Variants in PLPP2 observed in about 807,000 individuals in gnomAD.
PLPP2 encodes phospholipid phosphatase 2, also known as PAP2-gamma.
In PLPP2, 29 loss-of-function variants were observed where a neutral mutation model predicts 35.2. The observed-to-expected ratio is 0.82, with a 90% CI of 0.61 to 1.12. The LOEUF (loss-of-function observed/expected upper bound fraction) is 1.12, where lower values mean the gene tolerates loss of function less well. PLPP2 is among the 50% of genes most tolerant of loss of function. The probability of loss-of-function intolerance (pLI) is 0.00; values close to 1 mark genes in which losing one functional copy is unlikely to be tolerated. For synonymous variants in PLPP2, 162 were observed against 167.0 expected, an observed-to-expected ratio of 0.97 and a Z score of 0.23; for missense variants, 353 against 375.2, an observed-to-expected ratio of 0.94 and a Z score of 0.49.
intron 3 of PLPP2, chr19:285,522 C>G: frequency 6.6e-6 from 1 of 150,584 alleles, no homozygotes; most frequent in East Asian, 1.9e-4. Flanking sequence ...TTGCTTAAAC[C>G]GAGGAGGCAG....
chr19:290,523 CGT>C (rs1199410947), intron 1 of PLPP2, among the ~76,000 whole-genome samples: 1 of 151,700 alleles, frequency 6.6e-6, no homozygotes, highest in East Asian at 1.9e-4. Context: ...GCAGGAAACA[CGT>C]TGGGGAGGAG....
In PLPP2 at chr19:281,434, C is replaced by T; in HGVS notation, c.821G>A (p.Gly274Asp). The T allele has an allele frequency of 6.5e-7, 1 of 1,539,524 alleles. No homozygotes were observed. The highest frequency in any genetic ancestry group is 8.8e-7 in the Non-Finnish European group (1 of 1,141,610). ...KPSLSLTLTL[G>D]EADHNHYGYP... ...TCCATAGTGGTTGTGGTCAGCCTCGCCCAGGGTCAACGTCAGTGACAGGCT... is the reference window on the plus strand; with the variant it reads ...TCCATAGTGGTTGTGGTCAGCCTCGTCCAGGGTCAACGTCAGTGACAGGCT... The change falls in exon 6 of 6, where the codon GGC (glycine) becomes GAC (aspartate). Residue 274 changes from glycine to aspartate, a missense_variant. Physicochemically the swap from Gly to Asp is moderately conservative, Grantham distance 94. Transcript: ENST00000434325.
rs767246437 is a variant in PLPP2, at chr19:291,352, C to G, written c.-16G>C. On this transcript the variant is annotated 5_prime_UTR_variant, in exon 1 of 6. Transcript: ENST00000434325. Reference sequence around the variant, plus strand: ...TCCGCTGCATGGTCCCCGCGACCCCCGACGCCGGTCCCAGCGCGTCCCGTC... The same window carrying G: ...TCCGCTGCATGGTCCCCGCGACCCCGGACGCCGGTCCCAGCGCGTCCCGTC... The G allele has an allele frequency of 7.6e-6, 12 of 1,587,650 alleles. No homozygotes were observed. Among genetic ancestry groups the G allele is most frequent in the African/African-American group, 7.1e-5 (5 of 70,000 alleles).
chr19:281,851 G>T, intron 5 of PLPP2: 1 of 471,492 alleles, frequency 2.1e-6, no homozygotes, highest in South Asian at 2.7e-5. Context: ...GTCCAGGGAA[G>T]GACTGGGATT....
chr19:286,211 C>G (rs560344356), intron 3 of PLPP2: 2 of 151,724 alleles, frequency 1.3e-5, no homozygotes, highest in African/African-American at 4.8e-5. Context: ...GTGGCTCACA[C>G]CTCTAATCCC....
chr19:287,815 C>T lies in PLPP2; in HGVS notation c.205-64G>A. 1 of 1,586,240 alleles carries T rather than the reference C, an allele frequency of 6.3e-7. No individual in the cohort carries two copies. The highest frequency in any genetic ancestry group is 8.6e-7 in the Non-Finnish European group (1 of 1,164,714). On this transcript the variant is annotated intron_variant, in intron 2 of 5. Coordinates refer to ENST00000434325, the MANE Select transcript of PLPP2 (RefSeq NM_003712.4). The surrounding 1 kb of genome is among the most constrained non-coding windows in gnomAD (Gnocchi z 4.3). ...CGGCCCAGGGGCCCTCACTCCTCCG[C>T]ACGGGCCTCCCCAAGGCTGCTGGAG... is the stretch of plus-strand genomic sequence containing the variant.
intron 1 of PLPP2, chr19:290,902 T>TGCCG: frequency 8.3e-7 from 1 of 1,210,768 alleles, no homozygotes. Context: ...GCGGACGTCC[T>TGCCG]GCCGGGGTAA....
In PLPP2 at chr19:287,859, G is replaced by A; in HGVS notation, c.205-108C>T. ...GCTGGAGAGCTGGGGACTCTGAAGG[G>A]GGCCCTATTACCCACAGGTACCACT... On this transcript the variant is annotated intron_variant, in intron 2 of 5. Coordinates refer to ENST00000434325, the MANE Select transcript of PLPP2 (RefSeq NM_003712.4). The surrounding 1 kb of genome is among the most constrained non-coding windows in gnomAD (Gnocchi z 4.3). 4 of 1,521,988 alleles carry A rather than the reference G, an allele frequency of 2.6e-6. No homozygotes were observed. Among genetic ancestry groups the A allele is most frequent in the Non-Finnish European group, 3.5e-6 (4 of 1,127,934 alleles). 94.3% of individuals were successfully genotyped at this position (1,521,988 alleles called of 1,614,324 possible).
In PLPP2 at chr19:287,746, C is replaced by G. The variant is rs752862562; in HGVS notation, c.210G>C (p.Ser70=). 6.2e-7 allele frequency: 1 copy of G among 1,613,022 alleles called. No homozygotes were observed. Among genetic ancestry groups the G allele is most frequent in the Non-Finnish European group, 8.5e-7 (1 of 1,179,728 alleles). ...VTITATVILV[S]AGEAYLVYTD... is the part of the protein sequence containing the mutation. ...TGTACACCAGGTAGGCTTCCCCGGCCGAGACCTGCAAGAGCAGCCGCAGGA... is the reference window on the plus strand; with the variant it reads ...TGTACACCAGGTAGGCTTCCCCGGCGGAGACCTGCAAGAGCAGCCGCAGGA... The change falls in exon 3 of 6, where the codon TCG becomes TCC. Residue 70 remains serine, a synonymous_variant. Transcript: ENST00000434325. This position sits in a 1 kb window ranked among gnomAD's most constrained non-coding sequence, Gnocchi z 4.3.
intron 3 of PLPP2, 168 bp from the exon 4 acceptor site, chr19:282,977 T>C (rs751510050): frequency 9.3e-6 from 6 of 644,910 alleles, no homozygotes; most frequent in Admixed American, 8.1e-5. Flanking sequence ...CATCTGATAA[T>C]GGAATAAGAG....
chr19:288,006 CCCTCCTG>C lies in PLPP2; in HGVS notation c.204+7_204+13del. ...ATCCCCCTACCCAGTCCCTCTGAGCCCCTCCTGCCTTACAAGGATGACGGTGGCCGTG... is the reference window on the plus strand; with the variant it reads ...ATCCCCCTACCCAGTCCCTCTGAGCCCCTTACAAGGATGACGGTGGCCGTG... On this transcript the variant is annotated splice_region_variant and intron_variant, in intron 2 of 5. Transcript: ENST00000434325. The C allele has an allele frequency of 6.2e-7, 1 of 1,613,320 alleles. No individual in the cohort carries two copies. The highest frequency in any genetic ancestry group is 8.5e-7 in the Non-Finnish European group (1 of 1,179,814).
chr19:291,120 C>T (rs1386642329), intron 1 of PLPP2, 165 bp downstream of exon 1: 1 of 1,374,564 alleles, frequency 7.3e-7, no homozygotes. Context: ...GCGCGCAGTG[C>T]GGGGCGCGGA....
Position 287,080 on chromosome 19 carries a change from A to C in PLPP2, c.482+394T>G. On this transcript the variant is annotated intron_variant, in intron 3 of 5. Coordinates refer to ENST00000434325, the MANE Select transcript of PLPP2 (RefSeq NM_003712.4). The surrounding 1 kb of genome is among the most constrained non-coding windows in gnomAD (Gnocchi z 4.3). ...TTGAAAGTCCAAGAATGGAAAAAAAAAATATTCCATGCAAACAATAACAAA... is the reference window on the plus strand; with the variant it reads ...TTGAAAGTCCAAGAATGGAAAAAAACAATATTCCATGCAAACAATAACAAA... 5.6e-6 allele frequency: 1 copy of C among 179,498 alleles called. No individual in the cohort carries two copies. Among genetic ancestry groups the C allele is most frequent in the Non-Finnish European group, 1.2e-5 (1 of 84,346 alleles). The allele number at this position is 179,498 out of a possible 1,614,324, so 11.1% of individuals were successfully genotyped here.
intron 3 of PLPP2, chr19:284,534 A>T (rs939364154): frequency 1.3e-5 from 2 of 152,182 alleles, no homozygotes; most frequent in African/African-American, 4.8e-5. Flanking sequence ...TCACCCTCCC[A>T]AATAGCTGTG....
chr19:287,861 G>A lies in PLPP2; in HGVS notation c.205-110C>T. The A allele has an allele frequency of 6.6e-7, 1 of 1,518,306 alleles. No individual in the cohort carries two copies. The highest frequency in any genetic ancestry group is 1.3e-5 in the South Asian group (1 of 78,274). The allele number at this position is 1,518,306 out of a possible 1,614,324, so 94.1% of individuals were successfully genotyped here. A position where few individuals can be genotyped will look rare whatever the true frequency, so the allele number is the denominator to read the frequency against. On this transcript the variant is annotated intron_variant, in intron 2 of 5. Coordinates refer to ENST00000434325, the MANE Select transcript of PLPP2 (RefSeq NM_003712.4). This position sits in a 1 kb window ranked among gnomAD's most constrained non-coding sequence, Gnocchi z 4.3. ...TGGAGAGCTGGGGACTCTGAAGGGG[G>A]CCCTATTACCCACAGGTACCACTCA...
Position 281,413 on chromosome 19 carries a change from TA to T in PLPP2, c.841del (p.Tyr281MetfsTer20), listed in dbSNP as rs1568199757. 1.3e-6 allele frequency: 2 copies of T among 1,483,396 alleles called. No homozygotes were observed. Among genetic ancestry groups the T allele is most frequent in the Admixed American group, 4.4e-5 (2 of 45,230 alleles). The allele number at this position is 1,483,396 out of a possible 1,614,324, so 91.9% of individuals were successfully genotyped here. Reference protein sequence around the residue: ...LTLGEADHNHYGYPHSSS With the variant: ...LTLGEADHNHXGYPHSSS ...TCAGGAGGAGGAGTGCGGGTATCCA[TA>T]GTGGTTGTGGTCAGCCTCGCCCAGG... On this transcript the variant is annotated frameshift_variant, in exon 6 of 6. Transcript: ENST00000434325. LOFTEE classifies it high-confidence loss of function.
At chr19:286,130 G>C (rs1455163835) in intron 3 of PLPP2, 1 of 148,672 alleles carries the variant, frequency 6.7e-6, no homozygotes, top group Admixed American at 6.8e-5. Flanking sequence ...CCGCACTCCA[G>C]CCTGGGCCCA....
intron 4 of PLPP2, 146 bp downstream of exon 4, chr19:282,606 G>C: frequency 1.1e-6 from 1 of 932,712 alleles, no homozygotes; most frequent in South Asian, 1.6e-5. Flanking sequence ...GGTCAGCCCA[G>C]GGCCTCCCGT....
chr19:287,702 C>A lies in PLPP2; in HGVS notation c.254G>T (p.Arg85Leu), dbSNP rs776672136. The A allele has an allele frequency of 6.2e-7, 1 of 1,613,892 alleles. No homozygotes were observed. The highest frequency in any genetic ancestry group is 8.5e-7 in the Non-Finnish European group (1 of 1,180,028). Residue 85 changes from arginine to leucine, a missense_variant, in exon 3 of 6, where the codon CGC (arginine) becomes CTC (leucine). By Grantham distance (102) the Arg-to-Leu change is moderately radical (BLOSUM62 -2). Coordinates refer to ENST00000434325, the MANE Select transcript of PLPP2 (RefSeq NM_003712.4). The surrounding 1 kb of genome is among the most constrained non-coding windows in gnomAD (Gnocchi z 4.3). ...YLVYTDRLYSRSDFNNYVAAV... is the reference protein window; with the variant it reads ...YLVYTDRLYSLSDFNNYVAAV... ...AGCCACGTAGTTGTTGAAGTCCGAGCGAGAATAGAGCCGGTCTGTGTACAC... is the reference window on the plus strand; with the variant it reads ...AGCCACGTAGTTGTTGAAGTCCGAGAGAGAATAGAGCCGGTCTGTGTACAC...
Sources: gnomAD v4.1 joint callset for allele counts (sites outside exome capture counted in the v4.1 genomes callset) on GRCh38, gnomAD v4.1.1 for gene constraint, Gnocchi (gnomAD v3.1) non-coding constraint, MANE v1.5 for transcripts, NCBI Gene and HGNC (gene_info 2026-07-23, HGNC 2026-07-21) for gene names.